DPP7: variants seen among roughly 807,000 people sequenced by gnomAD.
DPP7 encodes the protein dipeptidyl peptidase 2.
A neutral mutation model predicts 58.8 loss-of-function variants in DPP7; 74 were observed. The observed-to-expected ratio is 1.26, with a 90% CI of 1.04 to 1.53. The LOEUF is 1.53. Ranked by LOEUF, DPP7 falls within the 40% of genes most tolerant of loss-of-function variation. The pLI is 0.00. For synonymous variants in DPP7, 350 were observed against 303.6 expected (o/e 1.15, Z -1.59); for missense variants, 807 against 692.3 (o/e 1.17, Z -1.86).
rs1368884697 is a variant in DPP7 at position 137,113,303 on chromosome 9, C to A, written c.622-16G>T. The A allele has an allele frequency of 4.3e-6, 7 of 1,613,434 alleles. No individual in the cohort carries two copies. The highest frequency in any genetic ancestry group is 2.2e-5 in the South Asian group (2 of 91,086). On this transcript the variant is annotated splice_polypyrimidine_tract_variant and intron_variant, in intron 5 of 12. Coordinates refer to ENST00000371579, the MANE Select transcript of DPP7 (RefSeq NM_013379.3). ...CCTCAAAGTCCTGGGGGAAAGAGAC[C>A]GTGCTGACTGCAGCTGCTGTCCCTT...
chr9:137,110,840 G>A (rs771498043), intron 12 of DPP7, 40 bp downstream of exon 12: 23 of 1,602,658 alleles, frequency 1.4e-5, no homozygotes, highest in East Asian at 4.5e-5. Flanking sequence ...AGCCTGTCCC[G>A]CCCGACCCGC....
upstream of DPP7, chr9:137,114,997 C>T (rs1029564596): frequency 4.8e-5 from 14 of 291,414 alleles, no homozygotes; most frequent in Admixed American, 5.7e-4. Context: ...CGGAGCTGCG[C>T]TAGGGCGAGT....
chr9:137,111,991 A>G lies in DPP7; in HGVS notation c.1089T>C (p.Asn363=), dbSNP rs149621119. 106 of 1,613,080 alleles carry G rather than the reference A, an allele frequency of 6.6e-5. No individual in the cohort carries two copies. Among genetic ancestry groups the G allele is most frequent in the Admixed American group, 2.8e-4 (17 of 59,946 alleles). ...TEINLTFASN[N]VTDMFPDLPF... is the part of the protein sequence containing the mutation. The stretch of plus-strand genomic sequence containing the variant: ...GCAGGTCCGGGAACATATCGGTCAC[A>G]TTGTTGCTGGCGAAGGTCAGGTTGA... Residue 363 remains asparagine (N), a synonymous_variant, in exon 10 of 13, where the codon AAT becomes AAC. Coordinates refer to ENST00000371579, the MANE Select transcript of DPP7 (RefSeq NM_013379.3).
intron 10 of DPP7, 26 bp from the exon 11 acceptor site, chr9:137,111,780 T>A: frequency 6.2e-7 from 1 of 1,613,640 alleles, no homozygotes; most frequent in Non-Finnish European, 8.5e-7. Context: ...AAAGTTGTGA[T>A]GTGGGCCCCT....
At chr9:137,117,733 C>G (rs959288575), upstream of DPP7, among the ~76,000 whole-genome samples, 1 of 152,216 alleles carries the variant, frequency 6.6e-6, no homozygotes, top group African/African-American at 2.4e-5. Context: ...CCGTGCTGGT[C>G]TGTGTGCTGA....
At chr9:137,116,767 G>A (rs189686490), upstream of DPP7, among the ~76,000 whole-genome samples, 31 of 152,364 alleles carry the variant, frequency 2.0e-4, no homozygotes, top group African/African-American at 4.3e-4. Flanking sequence ...CCCTGGGAAC[G>A]GAATGTCTCC....
intron 4 of DPP7, 119 bp downstream of exon 4, chr9:137,113,746 C>T (rs901308765): frequency 7.1e-7 from 1 of 1,407,198 alleles, no homozygotes. Context: ...CCTGGAACCA[C>T]TGCCTGAGGC....
In DPP7 at chr9:137,114,307, T is replaced by C; in HGVS notation, c.257A>G (p.Asn86Ser). 1 of 1,605,234 alleles carries C rather than the reference T, an allele frequency of 6.2e-7. No homozygotes were observed. Among genetic ancestry groups the C allele is most frequent in the South Asian group, 1.1e-5 (1 of 90,410 alleles). ...CAGCTCCGCGACGAAGGCCGAGTTG[T>C]TGGCGAAGGCCCACACGTCGCCCTC... Reference protein sequence around the residue: ...GNEGDVWAFANNSAFVAELAA... With the variant: ...GNEGDVWAFASNSAFVAELAA... The change falls in exon 3 of 13, where the codon AAC (asparagine) becomes AGC (serine). Residue 86 changes from asparagine to serine, a missense_variant. Asn to Ser is a conservative substitution (Grantham distance 46, BLOSUM62 1). Around this residue, in one of 3 missense-constraint regions of DPP7, gnomAD observed 168 missense variants for 124.1 expected, o/e 1.35. Coordinates refer to ENST00000371579, the MANE Select transcript of DPP7 (RefSeq NM_013379.3).
In DPP7 at chr9:137,112,020, C is replaced by A; in HGVS notation, c.1060G>T (p.Glu354Ter). Residue 354 changes from glutamate to a stop codon, truncating the protein, a stop_gained, in exon 10 of 13, where the codon GAG (glutamate) becomes TAG (stop). Transcript: ENST00000371579. LOFTEE classifies it high-confidence loss of function. Reference protein sequence around the residue: ...ARAWDYQACTEINLTFASNNV... With the variant: ...ARAWDYQACT ...TTGCTGGCGAAGGTCAGGTTGATCT[C>A]GGTGCAGGCCTGCAGGTGCCCCAGC... is the stretch of plus-strand genomic sequence containing the variant. 6.2e-7 allele frequency: 1 copy of A among 1,613,536 alleles called. No individual in the cohort carries two copies. The highest frequency in any genetic ancestry group is 1.1e-5 in the South Asian group (1 of 91,056).
rs751244732 is a variant in DPP7 at position 137,112,734 on chromosome 9, G to A, written c.931+11C>T. On this transcript the variant is annotated intron_variant, in intron 8 of 12. Transcript: ENST00000371579. ...TCCACACTTGCCCATCTGGGGCCGG[G>A]GGAAGGGCACCTGCCAGTGCTCGCA... 1.3e-6 allele frequency: 2 copies of A among 1,596,788 alleles called. No homozygotes were observed. The highest frequency in any genetic ancestry group is 2.3e-5 in the South Asian group (2 of 88,800).
chr9:137,110,880 CT>C lies in DPP7; in HGVS notation c.1342del (p.Arg448GlufsTer26), dbSNP rs1831325524. On this transcript the variant is annotated frameshift_variant and splice_region_variant, in exon 12 of 13. Coordinates refer to ENST00000371579, the MANE Select transcript of DPP7 (RefSeq NM_013379.3). LOFTEE classifies it low-confidence loss of function (END_TRUNC). ...ACCGCCAGGCCACCTCCCTCCGCAC[CT>C]GAGGTCGAGGTGGTGCGCTCCCCCC... ...IQGGAHHLDL[R>X]ASHPEDPASV... 3 of 1,611,832 alleles carry C rather than the reference CT, an allele frequency of 1.9e-6. No homozygotes were observed. The African/African-American group carries it at 4.0e-5, about 22-fold the overall frequency.
chr9:137,112,103 C>T lies in DPP7; in HGVS notation c.1050+9G>A, dbSNP rs1343382410. On this transcript the variant is annotated intron_variant, in intron 9 of 12. Coordinates refer to ENST00000371579, the MANE Select transcript of DPP7 (RefSeq NM_013379.3). ...CCCGAGTGGTTCCAGGCCACCCACA[C>T]CCCCACACCTGGTAGTCCCAGGCCC... is the stretch of plus-strand genomic sequence containing the variant. 6.2e-7 allele frequency: 1 copy of T among 1,611,826 alleles called. No individual in the cohort carries two copies. The highest frequency in any genetic ancestry group is 8.5e-7 in the Non-Finnish European group (1 of 1,179,488).
intron 8 of DPP7, 52 bp from the exon 9 acceptor site, chr9:137,112,282 G>C (rs758108751): frequency 1.1e-5 from 16 of 1,459,760 alleles, no homozygotes; most frequent in African/African-American, 9.8e-5. Context: ...CACACCGCGG[G>C]CTCCGGCCAC....
chr9:137,114,414 GGGGGGCGGCGGGACGGC>G (rs1393193337), intron 2 of DPP7, 32 bp from the exon 3 acceptor site: 3 of 1,566,952 alleles, frequency 1.9e-6, no homozygotes, highest in South Asian at 2.3e-5. Flanking sequence ...CGAGGGTGCC[GGGGGGCGGCGGGACGGC>G]GGGGGCGGCC....
chr9:137,112,482 C>T (rs1004477357), intron 8 of DPP7: 5 of 625,864 alleles, frequency 8.0e-6, no homozygotes, highest in Non-Finnish European at 1.4e-5. Flanking sequence ...CCTCTGTTGC[C>T]CTCCATGCTG....
chr9:137,112,440 C>G (rs10870181), intron 8 of DPP7: 171,874 of 623,436 alleles, frequency 0.28, 27,000 homozygotes, highest in Non-Finnish European at 0.34. Context: ...AGGGCCCCCC[C>G]GCTCTCCACG....
Position 137,113,451 on chromosome 9 carries a change from GT to G in DPP7, c.530del (p.His177ProfsTer14), listed in dbSNP as rs1831479321. On this transcript the variant is annotated frameshift_variant, in exon 5 of 13. Transcript: ENST00000371579. LOFTEE classifies it high-confidence loss of function. ...LSAYLRMKYP[H>X]LVAGALAASA... is the part of the protein sequence containing the mutation. ...TGGCCGCCAGCGCCCCCGCCACCAG[GT>G]GGGGATACTTCATCCTCAGGTAGGC... 2 of 1,604,168 alleles carry G rather than the reference GT, an allele frequency of 1.2e-6. No individual in the cohort carries two copies. The highest frequency in any genetic ancestry group is 1.7e-6 in the Non-Finnish European group (2 of 1,174,156).
chr9:137,111,972 C>CGGGGGG lies in DPP7; in HGVS notation c.1107_1108insCCCCCC (p.Pro369_Asp370insProPro). ...CGGAGCTCGTCAGTGAAGGGCAGGTCCGGGAACATATCGGTCACATTGTTG... is the reference window on the plus strand; with the variant it reads ...CGGAGCTCGTCAGTGAAGGGCAGGTCGGGGGGCGGGAACATATCGGTCACATTGTTG... On this transcript the variant is annotated inframe_insertion, in exon 10 of 13. Coordinates refer to ENST00000371579, the MANE Select transcript of DPP7 (RefSeq NM_013379.3). 1 of 1,613,354 alleles carries CGGGGGG rather than the reference C, an allele frequency of 6.2e-7. No individual in the cohort carries two copies. Among genetic ancestry groups the CGGGGGG allele is most frequent in the Non-Finnish European group, 8.5e-7 (1 of 1,179,706 alleles).
upstream of DPP7, among the ~76,000 whole-genome samples, chr9:137,115,345 AGG>A (rs1225432761): frequency 6.6e-6 from 1 of 152,140 alleles, no homozygotes; most frequent in Non-Finnish European, 1.5e-5. Context: ...TGCAGGGACA[AGG>A]GGGGACCAGA....
Sources: allele counts gnomAD v4.1 joint callset (sites outside exome capture counted in the v4.1 genomes callset), GRCh38; gene constraint gnomAD v4.1.1; regional missense constraint gnomAD v4.1.1; transcripts MANE v1.5; gene names NCBI Gene and HGNC (gene_info 2026-07-23, HGNC 2026-07-21).